Variants in C1QTNF1 observed in about 807,000 individuals in gnomAD.
C1QTNF1 encodes complement C1q tumor necrosis factor-related protein 1.
C1QTNF1 carries 22 observed loss-of-function variants against 27.8 expected under a neutral mutation model. That is an observed-to-expected ratio of 0.79 (90% confidence interval 0.56 to 1.13). The LOEUF is 1.13. Among genes scored for constraint, C1QTNF1 ranks in the 50% most tolerant of loss-of-function variants. The pLI is 0.00. For missense variants in C1QTNF1, 373 were observed against 380.2 expected (o/e 0.98, Z 0.16); for synonymous variants, 166 against 154.3 (o/e 1.08, Z -0.56).
At chr17:79,033,936 C>T (rs1416217157) in intron 1 of C1QTNF1, among the ~76,000 whole-genome samples, 2 of 152,116 alleles carry the variant, frequency 1.3e-5, no homozygotes, top group Admixed American at 6.5e-5. Flanking sequence ...CGTGGGTGAT[C>T]GTAGCCAAGC....
Position 79,048,312 on chromosome 17 carries a change from CTGGGACCTTCCGCGGCCCTCTCTG to C in C1QTNF1, c.*225_*248del. ...AGGGCGGGGCACCCGCGAGAACCCT[CTGGGACCTTCCGCGGCCCTCTCTG>C]CACACATCCTCAAGTGACCCCGCAC... is the stretch of plus-strand genomic sequence containing the variant. On this transcript the variant is annotated 3_prime_UTR_variant, in exon 4 of 4. Transcript: ENST00000579760. 1.8e-6 allele frequency: 1 copy of C among 541,940 alleles called. No homozygotes were observed. The highest frequency in any genetic ancestry group is 3.1e-5 in the South Asian group (1 of 31,854). The allele number at this position is 541,940 out of a possible 1,614,324, so 33.6% of individuals were successfully genotyped here. A position where few individuals can be genotyped will look rare whatever the true frequency, so the allele number is the denominator to read the frequency against.
Position 79,048,433 on chromosome 17 carries a change from C to A in C1QTNF1, c.*345C>A. The A allele has an allele frequency of 4.1e-6, 1 of 242,704 alleles. No individual in the cohort carries two copies. Among genetic ancestry groups the A allele is most frequent in the Non-Finnish European group, 7.9e-6 (1 of 126,950 alleles). 15.0% of individuals were successfully genotyped at this position (242,704 alleles called of 1,614,324 possible). A position where few individuals can be genotyped will look rare whatever the true frequency, so the allele number is the denominator to read the frequency against. ...GCTCCAGTCCTTGGAAATAATTAGG[C>A]AAATTCTAAAGGTCTCAAAAGGAGC... On this transcript the variant is annotated 3_prime_UTR_variant, in exon 4 of 4. Coordinates refer to ENST00000579760, the MANE Select transcript of C1QTNF1 (RefSeq NM_030968.5).
intron 1 of C1QTNF1, among the ~76,000 whole-genome samples, chr17:79,041,434 A>G (rs1568067430): frequency 6.6e-6 from 1 of 152,116 alleles, no homozygotes; most frequent in Non-Finnish European, 1.5e-5. Context: ...TTCCCCTGCA[A>G]TGTTGACTTG....
chr17:79,045,919 G>A lies in C1QTNF1; in HGVS notation c.156-636G>A, dbSNP rs117054024. 7.2e-3 allele frequency among the ~76,000 whole-genome samples: 1,097 copies of A among 152,270 alleles called. 7 individuals carry two copies. The highest frequency in any genetic ancestry group is 0.011 in the Non-Finnish European group (719 of 68,010). On this transcript the variant is annotated intron_variant, in intron 2 of 3. Transcript: ENST00000579760. The stretch of plus-strand genomic sequence containing the variant: ...AGTCTGGGGTGCAGAAGTGGGAGCA[G>A]CATTAGATGAGGAGCTGGCCCATCC...
intron 1 of C1QTNF1, among the ~76,000 whole-genome samples, chr17:79,039,481 T>C (rs1055011853): frequency 2.6e-5 from 4 of 152,134 alleles, no homozygotes; most frequent in African/African-American, 9.7e-5. Context: ...GGCGAAACCC[T>C]GTCTCTACTA....
rs769162624 is a variant in C1QTNF1, at chr17:79,047,921, G to A, written c.679G>A (p.Asp227Asn). ...EVVILFAQVGDRSIMQSQSLM... is the reference protein window; with the variant it reads ...EVVILFAQVGNRSIMQSQSLM... The stretch of plus-strand genomic sequence containing the variant: ...GGTGATCTTGTTCGCGCAGGTGGGC[G>A]ACCGCAGCATCATGCAAAGCCAGAG... Residue 227 changes from aspartate to asparagine, a missense_variant, in exon 4 of 4, where the codon GAC (aspartate) becomes AAC (asparagine). Physicochemically the swap from Asp to Asn is conservative, Grantham distance 23. Coordinates refer to ENST00000579760, the MANE Select transcript of C1QTNF1 (RefSeq NM_030968.5). 6.2e-7 allele frequency: 1 copy of A among 1,614,016 alleles called. No individual in the cohort carries two copies. Among genetic ancestry groups the A allele is most frequent in the African/African-American group, 1.3e-5 (1 of 75,020 alleles).
intron 3 of C1QTNF1, chr17:79,047,228 T>C (rs1485096996): frequency 2.4e-4 from 81 of 342,128 alleles, no homozygotes; most frequent in East Asian, 4.8e-4. Flanking sequence ...CATTTTCTTT[T>C]TTTTCTTTTC....
chr17:79,042,440 TG>T (rs2072438766), intron 1 of C1QTNF1, among the ~76,000 whole-genome samples: 1 of 152,208 alleles, frequency 6.6e-6, no homozygotes, highest in Admixed American at 6.5e-5. Flanking sequence ...CCAAAAGCTC[TG>T]GGAGTGAGAC....
intron 1 of C1QTNF1, among the ~76,000 whole-genome samples, chr17:79,035,822 C>T (rs141834973): frequency 1.1e-4 from 16 of 152,068 alleles, no homozygotes; most frequent in African/African-American, 3.1e-4. Context: ...AAACTGGGGG[C>T]GGGGGCAATG....
At chr17:79,030,477 TTCTTTCTTTTTCTTTCTTTC>T (rs1251836209) in intron 1 of C1QTNF1, among the ~76,000 whole-genome samples, 4 of 112,014 alleles carry the variant, frequency 3.6e-5, no homozygotes, top group Admixed American at 1.9e-4. Context: ...CTTTCTTTCT[TTCTTTCTTTTTCTTTCTTTC>T]TTTCTTTCTT....
intron 1 of C1QTNF1, among the ~76,000 whole-genome samples, chr17:79,034,824 T>C (rs1392024755): frequency 6.6e-6 from 1 of 151,924 alleles, no homozygotes; most frequent in Non-Finnish European, 1.5e-5. Flanking sequence ...AGAGGGAGAT[T>C]GAGAGAGGAG....
At chr17:79,027,982 G>A (rs960331942) in intron 1 of C1QTNF1, among the ~76,000 whole-genome samples, 1 of 152,184 alleles carries the variant, frequency 6.6e-6, no homozygotes, top group Non-Finnish European at 1.5e-5. Flanking sequence ...GCTTCAGATG[G>A]GGCTGGCACA....
intron 1 of C1QTNF1, chr17:79,034,423 G>A (rs1224257754): frequency 1.3e-5 from 2 of 152,330 alleles, no homozygotes; most frequent in African/African-American, 4.8e-5. Context: ...CGGAGCTCTG[G>A]AGGCTGGGCT....
intron 1 of C1QTNF1, among the ~76,000 whole-genome samples, chr17:79,039,982 A>G (rs990557949): frequency 1.3e-5 from 2 of 152,182 alleles, no homozygotes; most frequent in Non-Finnish European, 2.9e-5. Flanking sequence ...CCAAGGAGAA[A>G]CAGAGGAAAT....
chr17:79,030,365 G>C (rs2072091116), intron 1 of C1QTNF1, among the ~76,000 whole-genome samples: 1 of 151,834 alleles, frequency 6.6e-6, no homozygotes, highest in African/African-American at 2.4e-5. Flanking sequence ...GTGTGTGCCT[G>C]TATGTGCGTG....
At chr17:79,037,206 C>G (rs1308248445) in intron 1 of C1QTNF1, among the ~76,000 whole-genome samples, 2 of 152,112 alleles carry the variant, frequency 1.3e-5, no homozygotes, top group Non-Finnish European at 1.5e-5. Flanking sequence ...CTCGGCTTAG[C>G]ACAACCTCCG....
rs2072698278 is a variant in C1QTNF1, at chr17:79,049,504, T to C, written c.*1416T>C. The C allele has an allele frequency of 6.6e-6, 1 of 152,302 alleles. No individual in the cohort carries two copies. Among genetic ancestry groups the C allele is most frequent in the Non-Finnish European group, 1.5e-5 (1 of 68,212 alleles). The allele number at this position is 152,302 out of a possible 1,614,324, so 9.4% of individuals were successfully genotyped here. ...CATAGCCCCTCTCCACCTCACCCCA[T>C]GTTGATGCCCAGGGTCACTCTTGCT... is the stretch of plus-strand genomic sequence containing the variant. On this transcript the variant is annotated 3_prime_UTR_variant, in exon 4 of 4. Coordinates refer to ENST00000579760, the MANE Select transcript of C1QTNF1 (RefSeq NM_030968.5). The surrounding 1 kb of genome is among the most constrained non-coding windows in gnomAD (Gnocchi z 4.4).
At chr17:79,031,163 G>A (rs972158448) in intron 1 of C1QTNF1, among the ~76,000 whole-genome samples, 4 of 150,268 alleles carry the variant, frequency 2.7e-5, no homozygotes, top group Non-Finnish European at 5.9e-5. Flanking sequence ...CTGCCACCAC[G>A]CCCGGCTAAT....
chr17:79,033,341 G>A (rs2072185025), intron 1 of C1QTNF1, among the ~76,000 whole-genome samples: 1 of 152,130 alleles, frequency 6.6e-6, no homozygotes, highest in African/African-American at 2.4e-5. Flanking sequence ...TGCAAGCCCA[G>A]GTCTCAGCAG....
Sources: allele counts gnomAD v4.1 joint callset (sites outside exome capture counted in the v4.1 genomes callset), GRCh38; gene constraint gnomAD v4.1.1; non-coding constraint Gnocchi (gnomAD v3.1); transcripts MANE v1.5; gene names NCBI Gene and HGNC (gene_info 2026-07-23, HGNC 2026-07-21).